ZC3H6: variants seen among roughly 807,000 people sequenced by gnomAD.
The protein encoded by ZC3H6 is zinc finger CCCH domain-containing protein 6.
Under a neutral mutation model 107.7 loss-of-function variants are expected in ZC3H6, and 40 were observed. The observed-to-expected ratio is 0.37, with a 90% CI of 0.29 to 0.48. The LOEUF is 0.48. Ranked by LOEUF, ZC3H6 falls within the 20% of genes least tolerant of loss-of-function variation. The pLI is 0.98. For synonymous variants in ZC3H6, 493 were observed against 487.9 expected (o/e 1.01, Z -0.14); for missense variants, 1,267 against 1,410.4 (o/e 0.90, Z 1.63).
intron 1 of ZC3H6, among the ~76,000 whole-genome samples, chr2:112,288,588 T>G (rs1686654078): frequency 6.6e-6 from 1 of 152,222 alleles, no homozygotes; most frequent in Admixed American, 6.5e-5. Flanking sequence ...GGAAGCAGAA[T>G]TTGAACACAG....
Position 112,276,023 on chromosome 2 carries a change from A to C in ZC3H6, c.29A>C (p.Asp10Ala). 1 of 1,542,432 alleles carries C rather than the reference A, an allele frequency of 6.5e-7. No individual in the cohort carries two copies. The highest frequency in any genetic ancestry group is 2.0e-5 in the Admixed American group (1 of 50,254). MTDSEHAGH[D>A]REDGELEDGE... ...ACAGACTCTGAACATGCAGGGCACGACAGGTCGGGAACCCTTCTTGTCTGT... is the reference window on the plus strand; with the variant it reads ...ACAGACTCTGAACATGCAGGGCACGCCAGGTCGGGAACCCTTCTTGTCTGT... The change falls in exon 1 of 12, where the codon GAC becomes GCC. Residue 10 changes from aspartate to alanine, a missense_variant. Asp to Ala is a moderately radical substitution (Grantham distance 126). Transcript: ENST00000409871.
At chr2:112,290,280 T>C (rs1277514821) in intron 1 of ZC3H6, among the ~76,000 whole-genome samples, 1 of 152,264 alleles carries the variant, frequency 6.6e-6, no homozygotes, top group East Asian at 1.9e-4. Context: ...GTTCCTATAG[T>C]GTGTCATACT....
intron 1 of ZC3H6, among the ~76,000 whole-genome samples, chr2:112,293,884 TG>T: frequency 6.6e-6 from 1 of 152,246 alleles, no homozygotes; most frequent in East Asian, 1.9e-4. Flanking sequence ...AGGGTAACAC[TG>T]AAACTAAACG....
chr2:112,288,296 C>T (rs1573946939), intron 1 of ZC3H6, among the ~76,000 whole-genome samples: 2 of 152,060 alleles, frequency 1.3e-5, no homozygotes, highest in East Asian at 1.9e-4. Context: ...ATCCCTTCTC[C>T]TTGGATTTGT....
intron 2 of ZC3H6, among the ~76,000 whole-genome samples, chr2:112,302,095 A>G (rs573911886): frequency 1.3e-5 from 2 of 152,022 alleles, no homozygotes; most frequent in African/African-American, 4.8e-5. Context: ...ACAAGGACCA[A>G]ATCTTTTCAG....
chr2:112,287,285 A>G (rs566140081), intron 1 of ZC3H6, among the ~76,000 whole-genome samples: 3 of 152,276 alleles, frequency 2.0e-5, no homozygotes, highest in Middle Eastern at 3.4e-3. Flanking sequence ...AAGTAAATCA[A>G]TTCTAGCTTA....
Position 112,309,905 on chromosome 2 carries a change from C to T in ZC3H6, c.357C>T (p.Ser119=), listed in dbSNP as rs371731032. ...PFTQRGHISG[S]YITSKKGQHN... ...CTTAGCGTGGACATATATCAGGAAG[C>T]TACATAACATCAAAGAAGGGTCAAC... The change falls in exon 4 of 12, where the codon AGC becomes AGT. Residue 119 remains serine, a synonymous_variant. Transcript: ENST00000409871. 82 of 1,584,626 alleles carry T rather than the reference C, an allele frequency of 5.2e-5. 1 individual carries two copies. The African/African-American group carries it at 7.5e-4, about 15-fold the overall frequency.
Position 112,325,063 on chromosome 2 carries a change from G to A in ZC3H6, c.1952G>A (p.Gly651Asp). ...TCTGATGGCAGCAGCACTAGGACAG[G>A]CCATGGCCCTCTGCCTGTACCAGGC... The part of the protein sequence containing the change: ...SGSDGSSTRT[G>D]HGPLPVPGLL... Residue 651 changes from glycine (G) to aspartate (D), a missense_variant, in exon 11 of 12, where the codon GGC becomes GAC. By Grantham distance (94) the Gly-to-Asp change is moderately conservative. Coordinates refer to ENST00000409871, the MANE Select transcript of ZC3H6 (RefSeq NM_198581.3). The A allele has an allele frequency of 6.2e-7, 1 of 1,613,900 alleles. No individual in the cohort carries two copies. The highest frequency in any genetic ancestry group is 8.5e-7 in the Non-Finnish European group (1 of 1,179,854).
chr2:112,298,332 A>T (rs1676283550), intron 1 of ZC3H6, among the ~76,000 whole-genome samples: 1 of 152,174 alleles, frequency 6.6e-6, no homozygotes, highest in African/African-American at 2.4e-5. Context: ...GGCAGGGAAA[A>T]TTCAACTTCA....
chr2:112,288,305 G>A (rs1321051772), intron 1 of ZC3H6, among the ~76,000 whole-genome samples: 1 of 151,962 alleles, frequency 6.6e-6, no homozygotes, highest in East Asian at 1.9e-4. Context: ...CCTTGGATTT[G>A]TAACCTTTCC....
In ZC3H6 at chr2:112,307,466, A is replaced by G. The variant is rs148445659; in HGVS notation, c.337-2419A>G. On this transcript the variant is annotated intron_variant, in intron 3 of 11. Transcript: ENST00000409871. ...GGCAAAGTGATTACAAAAGCTATCT[A>G]TTTTTGTGGAATTTGTTGTCTTTTT... 3.3e-4 allele frequency among the ~76,000 whole-genome samples: 50 copies of G among 152,136 alleles called. 1 individual carries two copies. The East Asian group carries it at 9.5e-3, about 29-fold the overall frequency.
chr2:112,276,547 G>C (rs912589823), intron 1 of ZC3H6, among the ~76,000 whole-genome samples: 1 of 152,148 alleles, frequency 6.6e-6, no homozygotes, highest in Non-Finnish European at 1.5e-5. Context: ...TGGAATTTGA[G>C]ATGGCAAGTT....
At position 112,339,812 on chromosome 2, in the gene ZC3H6, T is replaced by G. The variant is rs183556948; in HGVS notation, c.*7324T>G. ...TTACTTTGGAAGGTTTTACTAGATATCAGTTTAGTAGATTAATGACGTTGT... is the reference window on the plus strand; with the variant it reads ...TTACTTTGGAAGGTTTTACTAGATAGCAGTTTAGTAGATTAATGACGTTGT... On this transcript the variant is annotated 3_prime_UTR_variant, in exon 12 of 12. Transcript: ENST00000409871. The G allele has an allele frequency of 1.3e-5, 2 of 152,202 alleles. No homozygotes were observed. Among genetic ancestry groups the G allele is most frequent in the South Asian group, 4.2e-4 (2 of 4,810 alleles). 9.4% of individuals were successfully genotyped at this position (152,202 alleles called of 1,614,324 possible). A position where few individuals can be genotyped will look rare whatever the true frequency, so the allele number is the denominator to read the frequency against.
intron 3 of ZC3H6, among the ~76,000 whole-genome samples, chr2:112,308,537 T>C (rs955436142): frequency 1.3e-5 from 2 of 150,280 alleles, no homozygotes; most frequent in African/African-American, 4.9e-5. Flanking sequence ...TTCAAGCAGT[T>C]CTCCTGCCTC....
intron 2 of ZC3H6, 140 bp downstream of exon 2, chr2:112,300,169 C>A: frequency 1.8e-6 from 1 of 570,702 alleles, no homozygotes. Flanking sequence ...ACTTTCTAAA[C>A]AAAGATTATA....
intron 3 of ZC3H6, among the ~76,000 whole-genome samples, chr2:112,303,908 T>C (rs1025617680): frequency 6.6e-6 from 1 of 152,200 alleles, no homozygotes. Flanking sequence ...TTTATTGGGG[T>C]ATATATTTAG....
rs1386201758 is a variant in ZC3H6 at position 112,337,627 on chromosome 2, TTTA to T, written c.*5142_*5144del. The T allele has an allele frequency of 6.6e-6, 1 of 152,210 alleles. No homozygotes were observed. Among genetic ancestry groups the T allele is most frequent in the African/African-American group, 2.4e-5 (1 of 41,504 alleles). 9.4% of individuals were successfully genotyped at this position (152,210 alleles called of 1,614,324 possible). ...GTGAGCCACCGTGCTCAGCCTGTTT[TTTA>T]TTTATTTTTTTGAGACAGTCTCACT... On this transcript the variant is annotated 3_prime_UTR_variant, in exon 12 of 12. Coordinates refer to ENST00000409871, the MANE Select transcript of ZC3H6 (RefSeq NM_198581.3).
At chr2:112,295,651 T>G (rs4419238) in intron 1 of ZC3H6, among the ~76,000 whole-genome samples, 99,099 of 152,032 alleles carry the variant, frequency 0.65, 34,258 homozygotes, top group African/African-American at 0.9. Context: ...GTGAATTATT[T>G]TTCTCTATTT....
intron 11 of ZC3H6, among the ~76,000 whole-genome samples, chr2:112,328,711 C>T (rs1026283338): frequency 1.6e-4 from 25 of 152,030 alleles, no homozygotes; most frequent in East Asian, 3.9e-4. Context: ...GAGGCCAAGG[C>T]GGGTAGATCA....
Sources: gnomAD v4.1 joint callset for allele counts (sites outside exome capture counted in the v4.1 genomes callset) on GRCh38, gnomAD v4.1.1 for gene constraint, MANE v1.5 for transcripts, NCBI Gene and HGNC (gene_info 2026-07-23, HGNC 2026-07-21) for gene names.